PRRC2C: variants seen among roughly 807,000 people sequenced by gnomAD.
PRRC2C encodes the protein protein PRRC2C.
A neutral mutation model predicts 317.2 loss-of-function variants in PRRC2C; 72 were observed. That is an observed-to-expected ratio of 0.23 (90% confidence interval 0.19 to 0.28). The LOEUF is 0.28. Ranked by LOEUF, PRRC2C falls within the 10% of genes least tolerant of loss-of-function variation. The probability of loss-of-function intolerance (pLI) is 1.00; values close to 1 mark genes in which losing one functional copy is unlikely to be tolerated. For missense variants in PRRC2C, 3,074 were observed against 3,459.7 expected (o/e 0.89, Z 2.80); for synonymous variants, 1,296 against 1,205.9 (o/e 1.07, Z -1.55).
intron 30 of PRRC2C, among the ~76,000 whole-genome samples, chr1:171,585,627 G>T (rs1649715077): frequency 6.6e-6 from 1 of 152,146 alleles, no homozygotes; most frequent in African/African-American, 2.4e-5. Context: ...TAAAATGTCT[G>T]TTTGGAAACT....
In PRRC2C at chr1:171,527,970, T is replaced by G. The variant is rs183195978; in HGVS notation, c.1254+126T>G. 6.9e-4 allele frequency: 470 copies of G among 681,108 alleles called. 3 individuals carry two copies. The African/African-American group carries it at 7.7e-3, about 11-fold the overall frequency. The allele number at this position is 681,108 out of a possible 1,614,324, so 42.2% of individuals were successfully genotyped here. A position where few individuals can be genotyped will look rare whatever the true frequency, so the allele number is the denominator to read the frequency against. Reference sequence around the variant, plus strand: ...TACTAACTTTTTACCTTGTGACTCTTACATGTCTTACTCTTCATCCTTTTC... The same window carrying G: ...TACTAACTTTTTACCTTGTGACTCTGACATGTCTTACTCTTCATCCTTTTC... On this transcript the variant is annotated intron_variant, in intron 11 of 34. Transcript: ENST00000647382.
chr1:171,548,563 A>G (rs1679596501), intron 17 of PRRC2C, among the ~76,000 whole-genome samples: 1 of 152,208 alleles, frequency 6.6e-6, no homozygotes, highest in South Asian at 2.1e-4. Flanking sequence ...TAATTTCTTT[A>G]AATTGCTTCA....
intron 24 of PRRC2C, among the ~76,000 whole-genome samples, chr1:171,573,673 C>CTTTTTTTTTTTTTTTTTTTT (rs1024285954): frequency 1.2e-5 from 1 of 85,814 alleles, no homozygotes; most frequent in Non-Finnish European, 2.1e-5. Flanking sequence ...TCTCAAAATT[C>CTTTTTTTTTTTTTTTTTTTT]TTTTTTTTTT....
intron 28 of PRRC2C, among the ~76,000 whole-genome samples, chr1:171,583,467 C>T (rs534981680): frequency 1.3e-5 from 2 of 152,164 alleles, no homozygotes; most frequent in Non-Finnish European, 2.9e-5. Context: ...ACATACAGAG[C>T]TGTCATGTCC....
chr1:171,526,805 C>CTTTTTTTTT lies in PRRC2C; in HGVS notation c.1201-973_1201-965dup, dbSNP rs938229816. ...AAAATCATTACATTCAGAAATATAT[C>CTTTTTTTTT]TTTTTTTTTTTTTTTTTTTTTGAGA... On this transcript the variant is annotated intron_variant, in intron 10 of 34. Transcript: ENST00000647382. 5.8e-3 allele frequency among the ~76,000 whole-genome samples: 526 copies of CTTTTTTTTT among 90,178 alleles called. 75 individuals carry two copies. Among genetic ancestry groups the CTTTTTTTTT allele is most frequent in the Middle Eastern group, 0.012 (1 of 86 alleles). The allele number at this position is 90,178 out of a possible 152,430, so 59.2% of individuals were successfully genotyped here.
chr1:171,517,842 C>G, intron 6 of PRRC2C, 28 bp downstream of exon 6: 1 of 1,585,550 alleles, frequency 6.3e-7, no homozygotes, highest in Non-Finnish European at 8.6e-7. Context: ...AACAAGCATT[C>G]AAACAAGTGG....
chr1:171,563,409 G>A (rs558571708), intron 20 of PRRC2C, among the ~76,000 whole-genome samples: 4 of 152,248 alleles, frequency 2.6e-5, no homozygotes, highest in African/African-American at 9.6e-5. Context: ...GTCTGTTCTT[G>A]TATAGCACTG....
At chr1:171,560,911 C>T (rs1435508876) in intron 19 of PRRC2C, 107 bp from the exon 20 acceptor site, 1 of 875,430 alleles carries the variant, frequency 1.1e-6, no homozygotes, top group Non-Finnish European at 1.9e-6. Context: ...GTTTTATTCC[C>T]TGGCTAGTAA....
chr1:171,493,670 AT>A (rs1667585603), intron 1 of PRRC2C, among the ~76,000 whole-genome samples: 1 of 152,100 alleles, frequency 6.6e-6, no homozygotes, highest in South Asian at 2.1e-4. Context: ...AAATACAAAA[AT>A]TAGTCAGTTG....
chr1:171,567,622 C>G (rs926512713), intron 22 of PRRC2C, among the ~76,000 whole-genome samples: 1 of 152,136 alleles, frequency 6.6e-6, no homozygotes, highest in African/African-American at 2.4e-5. Flanking sequence ...CAACTAAGAT[C>G]TTGGTAATTG....
intron 24 of PRRC2C, among the ~76,000 whole-genome samples, chr1:171,571,962 C>T (rs1241405409): frequency 6.6e-6 from 1 of 151,604 alleles, no homozygotes; most frequent in Non-Finnish European, 1.5e-5. Context: ...AATAAGAGGA[C>T]AAAAGAGATT....
In PRRC2C at chr1:171,557,689, CTCAGCCTCAATTCCCATTCTTGCT is replaced by C; in HGVS notation, c.5584_5607del (p.Ser1862_Ala1869del). 6.4e-7 allele frequency: 1 copy of C among 1,551,586 alleles called. No homozygotes were observed. On this transcript the variant is annotated inframe_deletion, in exon 19 of 35. Transcript: ENST00000647382. ...CCCCAGCTTCTGTCACCATTCTTGC[CTCAGCCTCAATTCCCATTCTTGCT>C]TCAGCCCTAGCATCAACTTCAGCTC...
At chr1:171,549,307 T>C (rs1420933536) in intron 17 of PRRC2C, among the ~76,000 whole-genome samples, 1 of 152,216 alleles carries the variant, frequency 6.6e-6, no homozygotes, top group Non-Finnish European at 1.5e-5. Flanking sequence ...ATTATGCTGA[T>C]ACTACAGGCA....
intron 1 of PRRC2C, among the ~76,000 whole-genome samples, chr1:171,509,370 A>G (rs368308771): frequency 5.9e-5 from 9 of 152,300 alleles, no homozygotes; most frequent in Admixed American, 5.9e-4. Context: ...GCTGAAGGTA[A>G]TCAGTTAGTA....
chr1:171,584,687 A>AG, intron 30 of PRRC2C, 161 bp downstream of exon 30: 1 of 792,328 alleles, frequency 1.3e-6, no homozygotes, highest in Non-Finnish European at 1.9e-6. Flanking sequence ...TCCACGTAGA[A>AG]GGGGTTTCAG....
At position 171,535,490 on chromosome 1, in the gene PRRC2C, G is replaced by C. The variant is rs147808088; in HGVS notation, c.1936G>C (p.Val646Leu). Reference protein sequence around the residue: ...NRSEKEATPVVHETEPESGSQ... With the variant: ...NRSEKEATPVLHETEPESGSQ... ...CAGTGAAAAGGAAGCCACACCAGTG[G>C]TGCATGAAACAGAACCAGAATCAGG... The change falls in exon 13 of 35, where the codon GTG becomes CTG. Residue 646 changes from valine to leucine, a missense_variant. By Grantham distance (32) the Val-to-Leu change is conservative. Around this residue, in one of 11 missense-constraint regions of PRRC2C, gnomAD observed 1,320 missense variants for 1,395.7 expected, o/e 0.95. Coordinates refer to ENST00000647382, the MANE Select transcript of PRRC2C (RefSeq NM_001387844.1). The C allele has an allele frequency of 6.1e-5, 98 of 1,613,868 alleles. 1 individual carries two copies. Among genetic ancestry groups the C allele is most frequent in the African/African-American group, 8.0e-5 (6 of 74,916 alleles).
chr1:171,511,728 T>C (rs2102244798), intron 1 of PRRC2C: 1 of 157,274 alleles, frequency 6.4e-6, no homozygotes. Flanking sequence ...TTGGATAATA[T>C]ATCTTTTTAA....
chr1:171,591,645 A>G lies in PRRC2C; in HGVS notation c.8495A>G (p.Gln2832Arg), dbSNP rs752917362. Residue 2832 changes from glutamine (Q) to arginine (R), a missense_variant, in exon 35 of 35, where the codon CAG becomes CGG. This residue lies in a region of PRRC2C where 78 missense variants were observed against 97.7 expected (regional missense o/e 0.80). Transcript: ENST00000647382. ...STQRFFSEQQ[Q>R]SKQIGGGKAQ... The stretch of plus-strand genomic sequence containing the variant: ...CAACGGTTCTTCTCTGAACAGCAAC[A>G]GAGCAAACAGATAGGAGGAGGCAAA... 3 of 1,613,968 alleles carry G rather than the reference A, an allele frequency of 1.9e-6. No homozygotes were observed. Among genetic ancestry groups the G allele is most frequent in the Admixed American group, 3.3e-5 (2 of 60,014 alleles).
intron 9 of PRRC2C, among the ~76,000 whole-genome samples, chr1:171,524,035 C>CA (rs56110485): frequency 0.31 from 44,436 of 143,622 alleles, 7,116 homozygotes; most frequent in East Asian, 0.6. Flanking sequence ...GACTGTATCT[C>CA]AAAAAAAAAA....
Sources: allele counts gnomAD v4.1 joint callset (sites outside exome capture counted in the v4.1 genomes callset), GRCh38; gene constraint gnomAD v4.1.1; regional missense constraint gnomAD v4.1.1; transcripts MANE v1.5; gene names NCBI Gene and HGNC (gene_info 2026-07-23, HGNC 2026-07-21).